KIF3C: variants seen among roughly 807,000 people sequenced by gnomAD.
The protein encoded by KIF3C is kinesin-like protein KIF3C.
In KIF3C, 12 loss-of-function variants were observed where a neutral mutation model predicts 67.7. That is an observed-to-expected ratio of 0.18 (90% CI 0.11 to 0.29). The LOEUF is 0.29. KIF3C is among the 10% of genes least tolerant of loss of function. The probability of loss-of-function intolerance (pLI) is 1.00; values close to 1 mark genes in which losing one functional copy is unlikely to be tolerated. For missense variants in KIF3C, 789 were observed against 1,059.6 expected, an observed-to-expected ratio of 0.74 and a Z score of 3.55; for synonymous variants, 393 against 426.2, an observed-to-expected ratio of 0.92 and a Z score of 0.96.
chr2:25,932,071 G>A (rs953998300), intron 5 of KIF3C, among the ~76,000 whole-genome samples: 18 of 143,436 alleles, frequency 1.3e-4, no homozygotes, highest in Non-Finnish European at 1.6e-4. Context: ...GCACAACCTC[G>A]GCTCACTGCA....
chr2:25,961,540 G>T (rs534336885), intron 1 of KIF3C, among the ~76,000 whole-genome samples: 43 of 152,320 alleles, frequency 2.8e-4, no homozygotes, highest in South Asian at 8.3e-4. Flanking sequence ...ATAGCCATGG[G>T]CAATCAATTA....
At chr2:25,964,397 G>A (rs1457448256) in intron 1 of KIF3C, among the ~76,000 whole-genome samples, 1 of 149,926 alleles carries the variant, frequency 6.7e-6, no homozygotes, top group Non-Finnish European at 1.5e-5. Context: ...CCTTTAAGGT[G>A]GTCTTTGTGG....
intron 5 of KIF3C, among the ~76,000 whole-genome samples, chr2:25,947,423 T>C (rs1380976719): frequency 6.6e-6 from 1 of 150,666 alleles, no homozygotes; most frequent in East Asian, 2.0e-4. Flanking sequence ...TTACTAAAAC[T>C]ACAAAAAATT....
chr2:25,968,872 G>A (rs1664208654), intron 1 of KIF3C, among the ~76,000 whole-genome samples: 1 of 151,674 alleles, frequency 6.6e-6, no homozygotes, highest in South Asian at 2.1e-4. Context: ...CACCCAGGCT[G>A]GAGTGCAGTG....
intron 4 of KIF3C, among the ~76,000 whole-genome samples, chr2:25,952,708 C>G (rs1254319866): frequency 6.6e-6 from 1 of 151,886 alleles, no homozygotes; most frequent in Non-Finnish European, 1.5e-5. Context: ...CAGGCACATG[C>G]CACCATGCCT....
chr2:25,941,089 A>C (rs1191819123), intron 5 of KIF3C, among the ~76,000 whole-genome samples: 1 of 151,758 alleles, frequency 6.6e-6, no homozygotes, highest in Non-Finnish European at 1.5e-5. Context: ...TGAGCTCAGG[A>C]GTTCGAGACC....
intron 1 of KIF3C, among the ~76,000 whole-genome samples, chr2:25,970,667 CA>C (rs397984116): frequency 0.33 from 18,220 of 55,364 alleles, 781 homozygotes; most frequent in Non-Finnish European, 0.36. Flanking sequence ...AACTTTGTCT[CA>C]AAAAAAAAAA....
chr2:25,974,102 A>C (rs1664350523), intron 1 of KIF3C, among the ~76,000 whole-genome samples: 3 of 151,926 alleles, frequency 2.0e-5, no homozygotes, highest in Admixed American at 1.3e-4. Context: ...ACGGAGTCTC[A>C]CTCTGTCACC....
At chr2:25,973,063 T>C (rs1664320342) in intron 1 of KIF3C, among the ~76,000 whole-genome samples, 1 of 152,194 alleles carries the variant, frequency 6.6e-6, no homozygotes, top group African/African-American at 2.4e-5. Flanking sequence ...CTAAATATTT[T>C]CTCTTTTACT....
chr2:25,951,018 A>T (rs1328165537), intron 5 of KIF3C, among the ~76,000 whole-genome samples: 1 of 152,192 alleles, frequency 6.6e-6, no homozygotes, highest in African/African-American at 2.4e-5. Context: ...AGATTTAGGG[A>T]GACTCTTGCC....
At chr2:25,977,074 T>C (rs536584820) in intron 1 of KIF3C, among the ~76,000 whole-genome samples, 3 of 143,782 alleles carry the variant, frequency 2.1e-5, no homozygotes, top group South Asian at 2.5e-4. Flanking sequence ...AAATTGCTAA[T>C]GATTACTGAT....
At position 25,928,077 on chromosome 2, in the gene KIF3C, G is replaced by A. The variant is rs926904106; in HGVS notation, c.*901C>T. The A allele has an allele frequency of 6.6e-5, 10 of 152,560 alleles. No homozygotes were observed. Among genetic ancestry groups the A allele is most frequent in the Admixed American group, 6.5e-5 (1 of 15,274 alleles). The allele number at this position is 152,560 out of a possible 1,614,324, so 9.5% of individuals were successfully genotyped here. ...GACATTGACTCCTCCCACTGTGAACGGGGTCTAGGCAGCTGCAGGGAGAAA... is the reference window on the plus strand; with the variant it reads ...GACATTGACTCCTCCCACTGTGAACAGGGTCTAGGCAGCTGCAGGGAGAAA... On this transcript the variant is annotated 3_prime_UTR_variant, in exon 8 of 8. Transcript: ENST00000264712.
In KIF3C at chr2:25,954,347, C is replaced by T. The variant is rs1376916646; in HGVS notation, c.1809G>A (p.Gln603=). 2 of 1,614,092 alleles carry T rather than the reference C, an allele frequency of 1.2e-6. No individual in the cohort carries two copies. Among genetic ancestry groups the T allele is most frequent in the East Asian group, 2.2e-5 (1 of 44,874 alleles). The part of the protein sequence containing the change: ...AKLQAVKAEI[Q]DQHDEYIRVR... Reference sequence around the variant, plus strand: ...CGCGGATATACTCATCATGCTGGTCCTGGATCTCCGCCTTCACCGCCTGCA... The same window carrying T: ...CGCGGATATACTCATCATGCTGGTCTTGGATCTCCGCCTTCACCGCCTGCA... The change falls in exon 4 of 8, where the codon CAG becomes CAA. Residue 603 remains glutamine, a synonymous_variant. Coordinates refer to ENST00000264712, the MANE Select transcript of KIF3C (RefSeq NM_002254.8).
chr2:25,950,998 T>C (rs1253152866), intron 5 of KIF3C, among the ~76,000 whole-genome samples: 1 of 152,142 alleles, frequency 6.6e-6, no homozygotes, highest in African/African-American at 2.4e-5. Context: ...TCTTGCTAGC[T>C]TCCCATCCCA....
intron 5 of KIF3C, among the ~76,000 whole-genome samples, chr2:25,946,497 G>A (rs1663439484): frequency 6.6e-6 from 1 of 152,196 alleles, no homozygotes; most frequent in Non-Finnish European, 1.5e-5. Context: ...AGACCATCCT[G>A]GCCAACATGG....
chr2:25,950,202 A>G (rs1402396407), intron 5 of KIF3C, among the ~76,000 whole-genome samples: 1 of 150,514 alleles, frequency 6.6e-6, no homozygotes, highest in Non-Finnish European at 1.5e-5. Flanking sequence ...GCCCAGCAGA[A>G]AGACCTTTTC....
In KIF3C at chr2:25,963,012, A is replaced by T. The variant is rs867832275; in HGVS notation, c.1546-6568T>A. Among the ~76,000 whole-genome samples, 40 of 42,384 alleles carry T rather than the reference A, an allele frequency of 9.4e-4. 4 individuals carry two copies. Among genetic ancestry groups the T allele is most frequent in the Non-Finnish European group, 1.2e-3 (34 of 28,712 alleles). 27.8% of individuals were successfully genotyped at this position (42,384 alleles called of 152,430 possible). On this transcript the variant is annotated intron_variant, in intron 1 of 7. Transcript: ENST00000264712. Reference sequence around the variant, plus strand: ...TAATATATATAATATATAATATATAATATATATAATATATAATATATAATA... The same window carrying T: ...TAATATATATAATATATAATATATATTATATATAATATATAATATATAATA...
rs1445596607 is a variant in KIF3C, at chr2:25,928,867, G to A, written c.*111C>T. 4.9e-6 allele frequency: 4 copies of A among 814,254 alleles called. No individual in the cohort carries two copies. Among genetic ancestry groups the A allele is most frequent in the East Asian group, 2.5e-5 (1 of 40,098 alleles). The allele number at this position is 814,254 out of a possible 1,614,324, so 50.4% of individuals were successfully genotyped here. On this transcript the variant is annotated 3_prime_UTR_variant, in exon 8 of 8. Coordinates refer to ENST00000264712, the MANE Select transcript of KIF3C (RefSeq NM_002254.8). Reference sequence around the variant, plus strand: ...GCCAGATTCTCACCCCTGCACACACGCACACGCACATGCACGCACACGCAC... The same window carrying A: ...GCCAGATTCTCACCCCTGCACACACACACACGCACATGCACGCACACGCAC...
chr2:25,963,715 C>A (rs1664068742), intron 1 of KIF3C, among the ~76,000 whole-genome samples: 1 of 147,578 alleles, frequency 6.8e-6, no homozygotes, highest in Admixed American at 6.8e-5. Context: ...TATTTTGAGA[C>A]AGAGTCTCAC....
Sources: allele counts gnomAD v4.1 joint callset (sites outside exome capture counted in the v4.1 genomes callset), GRCh38; gene constraint gnomAD v4.1.1; transcripts MANE v1.5; gene names NCBI Gene and HGNC (gene_info 2026-07-23, HGNC 2026-07-21).